Variants in PEX7 observed in about 807,000 individuals in gnomAD.
The protein encoded by PEX7 is PTS2 receptor.
PEX7 carries 34 observed loss-of-function variants against 47.5 expected under a neutral mutation model. That is an observed-to-expected ratio of 0.72 (90% CI 0.54 to 0.95). The LOEUF is 0.95. Among genes scored for constraint, PEX7 ranks in the 40% least tolerant of loss-of-function variants. The probability of loss-of-function intolerance (pLI) is 0.00; values close to 1 mark genes in which losing one functional copy is unlikely to be tolerated. For synonymous variants in PEX7, 141 were observed against 148.8 expected, an observed-to-expected ratio of 0.95 and a Z score of 0.38; for missense variants, 394 against 400.3, an observed-to-expected ratio of 0.98 and a Z score of 0.13.
chr6:136,874,342 C>T (rs559422335), intron 8 of PEX7, among the ~76,000 whole-genome samples: 3 of 152,088 alleles, frequency 2.0e-5, no homozygotes, highest in Non-Finnish European at 4.4e-5. Context: ...TGGAAATTGT[C>T]CCTTGCTTTT....
intron 5 of PEX7, among the ~76,000 whole-genome samples, chr6:136,863,973 C>T (rs1582755915): frequency 1.3e-5 from 2 of 152,254 alleles, no homozygotes; most frequent in Admixed American, 6.5e-5. Context: ...GAGGCAGCAG[C>T]GCAGTGTAGT....
intron 5 of PEX7, among the ~76,000 whole-genome samples, chr6:136,849,825 T>C (rs1774706835): frequency 6.6e-6 from 1 of 152,210 alleles, no homozygotes; most frequent in South Asian, 2.1e-4. Context: ...AGAATGTATA[T>C]TCAGTTGATC....
intron 3 of PEX7, among the ~76,000 whole-genome samples, chr6:136,834,551 A>G (rs952015967): frequency 6.6e-6 from 1 of 152,236 alleles, no homozygotes; most frequent in Non-Finnish European, 1.5e-5. Flanking sequence ...GAGCCTCTAC[A>G]AAAGTTAAGA....
At chr6:136,823,177 T>G (rs1774116758) in intron 1 of PEX7, 1 of 985,344 alleles carries the variant, frequency 1.0e-6, no homozygotes, top group African/African-American at 1.7e-5. Context: ...GGGAAGACGG[T>G]CTGAGCCAGA....
chr6:136,889,202 A>G (rs559230808), intron 8 of PEX7, among the ~76,000 whole-genome samples: 1 of 152,298 alleles, frequency 6.6e-6, no homozygotes, highest in South Asian at 2.1e-4. Flanking sequence ...TGTGTTAATT[A>G]CTGTCATACT....
At chr6:136,833,867 C>G (rs1306765827) in intron 3 of PEX7, among the ~76,000 whole-genome samples, 1 of 152,168 alleles carries the variant, frequency 6.6e-6, no homozygotes, top group African/African-American at 2.4e-5. Flanking sequence ...AAAGGCAGAC[C>G]TGTCTCTACT....
intron 3 of PEX7, among the ~76,000 whole-genome samples, chr6:136,828,759 C>A (rs1352861904): frequency 6.6e-6 from 1 of 152,138 alleles, no homozygotes; most frequent in East Asian, 1.9e-4. Flanking sequence ...AGTCTTGAGC[C>A]CCTAGCTCTA....
chr6:136,849,610 A>G (rs1562736677), intron 5 of PEX7, among the ~76,000 whole-genome samples: 1 of 152,134 alleles, frequency 6.6e-6, no homozygotes, highest in Non-Finnish European at 1.5e-5. Context: ...TTCGTTATGT[A>G]TCCAGTAGTC....
chr6:136,878,512 G>A (rs1775318376), intron 8 of PEX7, among the ~76,000 whole-genome samples: 1 of 152,180 alleles, frequency 6.6e-6, no homozygotes, highest in South Asian at 2.1e-4. Flanking sequence ...TTTTTAGCAT[G>A]AAGGGTGTTG....
intron 8 of PEX7, among the ~76,000 whole-genome samples, chr6:136,874,999 C>T (rs950227492): frequency 8.6e-5 from 13 of 151,850 alleles, no homozygotes; most frequent in African/African-American, 2.4e-4. Flanking sequence ...ATTAGCTGGG[C>T]GTGGTGGCAC....
chr6:136,863,642 T>C (rs771669190), intron 5 of PEX7, among the ~76,000 whole-genome samples: 7 of 152,182 alleles, frequency 4.6e-5, no homozygotes, highest in Non-Finnish European at 8.8e-5. Flanking sequence ...ATGCAGTGGC[T>C]CACACCTGTA....
At chr6:136,853,925 A>G (rs1774807719) in intron 5 of PEX7, among the ~76,000 whole-genome samples, 1 of 152,188 alleles carries the variant, frequency 6.6e-6, no homozygotes, top group African/African-American at 2.4e-5. Context: ...TTTTTAAGCT[A>G]AGTCATAGCT....
chr6:136,822,609 T>C lies in PEX7; in HGVS notation c.-57T>C. 1 of 1,480,274 alleles carries C rather than the reference T, an allele frequency of 6.8e-7. No homozygotes were observed. Among genetic ancestry groups the C allele is most frequent in the Non-Finnish European group, 9.1e-7 (1 of 1,101,058 alleles). 91.7% of individuals were successfully genotyped at this position (1,480,274 alleles called of 1,614,324 possible). On this transcript the variant is annotated 5_prime_UTR_variant, in exon 1 of 10. Coordinates refer to ENST00000318471, the MANE Select transcript of PEX7 (RefSeq NM_000288.4). ...GTCTCTCTAACCGCGCCAGTGTGCC[T>C]CCGACTCGGAACGGCTTCCGCGGCC...
intron 8 of PEX7, among the ~76,000 whole-genome samples, chr6:136,879,339 A>G (rs762092452): frequency 2.0e-5 from 3 of 152,192 alleles, no homozygotes; most frequent in African/African-American, 2.4e-5. Context: ...GAACTCTCAT[A>G]TGTTTAAAAC....
chr6:136,882,877 C>T (rs113001633), intron 8 of PEX7, among the ~76,000 whole-genome samples: 125 of 152,176 alleles, frequency 8.2e-4, no homozygotes, highest in African/African-American at 3.0e-3. Flanking sequence ...TTTTAGTGTC[C>T]GCATAAGCTT....
At chr6:136,903,827 CA>C (rs1292822340) in intron 9 of PEX7, among the ~76,000 whole-genome samples, 1 of 147,804 alleles carries the variant, frequency 6.8e-6, no homozygotes. Context: ...TACAGGTGTG[CA>C]CTTTTTTTTT....
rs192599626 is a variant in PEX7 at position 136,895,374 on chromosome 6, T to C, written c.804-2768T>C. Among the ~76,000 whole-genome samples the C allele has an allele frequency of 6.6e-5, 10 of 152,344 alleles. No individual in the cohort carries two copies. The East Asian group carries it at 1.7e-3, about 26-fold the overall frequency. ...TTACTGTATTTAACAATATTTTTGATATTTCACTACTGAATATTATTTTTA... is the reference window on the plus strand; with the variant it reads ...TTACTGTATTTAACAATATTTTTGACATTTCACTACTGAATATTATTTTTA... On this transcript the variant is annotated intron_variant, in intron 8 of 9. Transcript: ENST00000318471.
chr6:136,896,307 C>T (rs1192064269), intron 8 of PEX7, among the ~76,000 whole-genome samples: 1 of 152,220 alleles, frequency 6.6e-6, no homozygotes, highest in Non-Finnish European at 1.5e-5. Context: ...CAAATGAAGT[C>T]AGAGAGCTAA....
intron 3 of PEX7, among the ~76,000 whole-genome samples, chr6:136,829,809 A>G (rs1774261414): frequency 6.6e-6 from 1 of 152,144 alleles, no homozygotes; most frequent in African/African-American, 2.4e-5. Context: ...GTGGTGGTGC[A>G]CACCTGTAGT....
Sources: allele counts gnomAD v4.1 joint callset (sites outside exome capture counted in the v4.1 genomes callset), GRCh38; gene constraint gnomAD v4.1.1; transcripts MANE v1.5; gene names NCBI Gene and HGNC (gene_info 2026-07-23, HGNC 2026-07-21).